Variants in FGF14 observed in about 807,000 individuals in gnomAD.
FGF14 encodes the protein fibroblast growth factor 14.
FGF14 carries 5 observed loss-of-function variants against 25.5 expected under a neutral mutation model. The ratio of observed to expected loss-of-function variants is 0.20; its 90% CI spans 0.10 to 0.41. FGF14 has a LOEUF of 0.41. Among genes scored for constraint, FGF14 ranks in the 10% least tolerant of loss-of-function variants. The probability of loss-of-function intolerance (pLI) is 1.00; values close to 1 mark genes in which losing one functional copy is unlikely to be tolerated. For missense variants in FGF14, 222 were observed against 320.1 expected, an observed-to-expected ratio of 0.69 and a Z score of 2.34; for synonymous variants, 138 against 118.3, an observed-to-expected ratio of 1.17 and a Z score of -1.08.
intron 1 of FGF14, among the ~76,000 whole-genome samples, chr13:102,177,797 C>T (rs1008423234): frequency 6.6e-6 from 1 of 151,884 alleles, no homozygotes; most frequent in Admixed American, 6.6e-5. Flanking sequence ...AAACCTCCAT[C>T]TCAAAAAGTA....
Position 101,868,949 on chromosome 13 carries a change from C to G in FGF14, c.305-121G>C, listed in dbSNP as rs7327756. 896 of 725,620 alleles carry G rather than the reference C, an allele frequency of 1.2e-3. 4 individuals carry two copies. The African/African-American group carries it at 0.014, about 11-fold the overall frequency. The allele number at this position is 725,620 out of a possible 1,614,324, so 44.9% of individuals were successfully genotyped here. On this transcript the variant is annotated intron_variant, in intron 2 of 4. Coordinates refer to ENST00000376143, the MANE Select transcript of FGF14 (RefSeq NM_004115.4). ...TCTTTGCCAATACTTTCTAGAAATT[C>G]CAATTAAATAACTTATATTTTGCTT...
Position 101,911,232 on chromosome 13 carries a change from G to A in FGF14, c.193+5221C>T, listed in dbSNP as rs908636170. On this transcript the variant is annotated intron_variant, in intron 1 of 4. Coordinates refer to ENST00000376143, the MANE Select transcript of FGF14 (RefSeq NM_004115.4). ...TACTAACAAAAATCACAAGTTTGGG[G>A]CTAAATGTAAAAGTATTCAAATTCA... Among the ~76,000 whole-genome samples, 3 of 152,140 alleles carry A rather than the reference G, an allele frequency of 2.0e-5. 1 individual carries two copies. Among genetic ancestry groups the A allele is most frequent in the Middle Eastern group, 6.8e-3 (2 of 294 alleles).
intron 1 of FGF14, among the ~76,000 whole-genome samples, chr13:102,155,376 A>G (rs2047282634): frequency 6.6e-6 from 1 of 152,226 alleles, no homozygotes; most frequent in South Asian, 2.1e-4. Context: ...GAACCACTCA[A>G]TTACATGGAA....
At chr13:101,816,348 C>G (rs2041850871) in intron 3 of FGF14, among the ~76,000 whole-genome samples, 1 of 150,944 alleles carries the variant, frequency 6.6e-6, no homozygotes, top group East Asian at 2.0e-4. Flanking sequence ...ATGTTTATCT[C>G]TCTGACTTTT....
intron 1 of FGF14, among the ~76,000 whole-genome samples, chr13:102,209,238 G>T (rs1284822179): frequency 6.6e-6 from 1 of 152,176 alleles, no homozygotes; most frequent in Non-Finnish European, 1.5e-5. Flanking sequence ...TTCAATCAAA[G>T]CCCAAACCTT....
At chr13:101,792,333 A>C (rs2040285619) in intron 3 of FGF14, among the ~76,000 whole-genome samples, 1 of 152,126 alleles carries the variant, frequency 6.6e-6, no homozygotes, top group South Asian at 2.1e-4. Flanking sequence ...AATAAAGCTA[A>C]GACATTTCTG....
intron 1 of FGF14, among the ~76,000 whole-genome samples, chr13:101,947,945 T>A (rs1230226787): frequency 6.6e-6 from 1 of 152,236 alleles, no homozygotes; most frequent in East Asian, 1.9e-4. Flanking sequence ...ACAGACCAAT[T>A]CTTTCAGGAC....
chr13:101,970,511 A>T (rs2037528097), intron 1 of FGF14, among the ~76,000 whole-genome samples: 1 of 152,156 alleles, frequency 6.6e-6, no homozygotes, highest in Non-Finnish European at 1.5e-5. Context: ...CATGCTGAGT[A>T]CTTCCAACTA....
chr13:101,966,969 T>G (rs1317579307), intron 1 of FGF14, among the ~76,000 whole-genome samples: 1 of 151,936 alleles, frequency 6.6e-6, no homozygotes, highest in African/African-American at 2.4e-5. Flanking sequence ...GAATTTGGTT[T>G]GTCAGTTTAA....
chr13:102,128,050 G>C (rs935428907), intron 1 of FGF14, among the ~76,000 whole-genome samples: 1 of 150,986 alleles, frequency 6.6e-6, no homozygotes, highest in Non-Finnish European at 1.5e-5. Flanking sequence ...CTCTCACAGA[G>C]AGGCAGTGGG....
intron 1 of FGF14, among the ~76,000 whole-genome samples, chr13:101,912,984 T>C (rs1354222912): frequency 6.6e-6 from 1 of 152,150 alleles, no homozygotes; most frequent in Non-Finnish European, 1.5e-5. Context: ...TGAATATGTA[T>C]ACTTAATTAA....
chr13:102,158,966 C>T lies in FGF14; in HGVS notation c.208+242505G>A, dbSNP rs564645890. ...CCAGCCTGACCAACATGGTGAAACACCGTCTCTACTAAAAATACAAAAATT... is the reference window on the plus strand; with the variant it reads ...CCAGCCTGACCAACATGGTGAAACATCGTCTCTACTAAAAATACAAAAATT... On this transcript the variant is annotated intron_variant, in intron 1 of 4. Transcript: ENST00000376131. Among the ~76,000 whole-genome samples the T allele has an allele frequency of 1.3e-5, 2 of 151,602 alleles. 1 individual carries two copies. Among genetic ancestry groups the T allele is most frequent in the African/African-American group, 4.8e-5 (2 of 41,326 alleles).
At chr13:101,733,287 A>G (rs4558266) in intron 3 of FGF14, among the ~76,000 whole-genome samples, 54,247 of 151,870 alleles carry the variant, frequency 0.36, 10,419 homozygotes, top group Admixed American at 0.48. Context: ...ATAAAAGCAT[A>G]ATTATGTACG....
chr13:102,315,680 T>C (rs542522275), intron 1 of FGF14, among the ~76,000 whole-genome samples: 17 of 152,114 alleles, frequency 1.1e-4, no homozygotes, highest in African/African-American at 3.9e-4. Context: ...AAAACAAGAG[T>C]TGGAATTTTC....
intron 1 of FGF14, among the ~76,000 whole-genome samples, chr13:101,973,885 C>G (rs987015799): frequency 6.6e-6 from 1 of 152,140 alleles, no homozygotes; most frequent in Non-Finnish European, 1.5e-5. Flanking sequence ...TGAAGAAACC[C>G]CAATTTGATG....
intron 1 of FGF14, among the ~76,000 whole-genome samples, chr13:101,959,479 T>G (rs530086234): frequency 2.6e-5 from 4 of 152,330 alleles, no homozygotes; most frequent in Non-Finnish European, 5.9e-5. Context: ...CTCCCTGACT[T>G]TGTTTCACAA....
chr13:102,356,313 AAAC>A (rs1263977048), intron 1 of FGF14, among the ~76,000 whole-genome samples: 1 of 152,254 alleles, frequency 6.6e-6, no homozygotes, highest in Non-Finnish European at 1.5e-5. Context: ...ATGCAACTTT[AAAC>A]AACACTGAAG....
rs577784909 is a variant in FGF14 at position 102,292,167 on chromosome 13, C to T, written c.208+109304G>A. Among the ~76,000 whole-genome samples, 3 of 151,064 alleles carry T rather than the reference C, an allele frequency of 2.0e-5. No individual in the cohort carries two copies. In the South Asian group the frequency reaches 6.3e-4, roughly 32 times the overall value. ...CATAAACCAGGAGTCAGTACTAAACCAGCCTTCTAGTTCTCATATCTTTCA... is the reference window on the plus strand; with the variant it reads ...CATAAACCAGGAGTCAGTACTAAACTAGCCTTCTAGTTCTCATATCTTTCA... On this transcript the variant is annotated intron_variant, in intron 1 of 4. Coordinates refer to the FGF14 transcript ENST00000376131.
chr13:101,893,574 C>T (rs976175325), intron 1 of FGF14, among the ~76,000 whole-genome samples: 1 of 151,738 alleles, frequency 6.6e-6, no homozygotes, highest in African/African-American at 2.4e-5. Context: ...ATAACAGGGT[C>T]CTTAAAAGGA....
Sources: gnomAD v4.1 joint callset for allele counts (sites outside exome capture counted in the v4.1 genomes callset) on GRCh38, gnomAD v4.1.1 for gene constraint, MANE v1.5 for transcripts, NCBI Gene and HGNC (gene_info 2026-07-23, HGNC 2026-07-21) for gene names.